Variants in PLEKHA2 observed in about 807,000 individuals in gnomAD.
The protein encoded by PLEKHA2 is pleckstrin homology domain-containing family A member 2.
Under a neutral mutation model 53.2 loss-of-function variants are expected in PLEKHA2, and 28 were observed. That is an observed-to-expected ratio of 0.53 (90% CI 0.39 to 0.72). PLEKHA2 has a LOEUF of 0.72. PLEKHA2 is among the 30% of genes least tolerant of loss of function. The pLI is 0.00. For synonymous variants in PLEKHA2, 193 were observed against 196.4 expected, an observed-to-expected ratio of 0.98 and a Z score of 0.14; for missense variants, 426 against 537.9, an observed-to-expected ratio of 0.79 and a Z score of 2.06.
intron 2 of PLEKHA2, among the ~76,000 whole-genome samples, chr8:38,928,518 A>AGATTACAGGCATGAATCGCCGGGC (rs1159152496): frequency 6.6e-6 from 1 of 151,840 alleles, no homozygotes; most frequent in African/African-American, 2.4e-5. Context: ...CAAAGTGTTG[A>AGATTACAGGCATGAATCGCCGGGC]GATTACAGGC....
chr8:38,930,574 C>T (rs1834373082), intron 2 of PLEKHA2, among the ~76,000 whole-genome samples: 1 of 152,198 alleles, frequency 6.6e-6, no homozygotes, highest in Non-Finnish European at 1.5e-5. Context: ...AGAAGTCCAC[C>T]AAATGTACAG....
intron 3 of PLEKHA2, among the ~76,000 whole-genome samples, chr8:38,939,656 A>T (rs967414757): frequency 1.3e-5 from 2 of 152,236 alleles, no homozygotes; most frequent in African/African-American, 4.8e-5. Context: ...AGCATTTGTT[A>T]TCCAAACAGA....
intron 2 of PLEKHA2, among the ~76,000 whole-genome samples, chr8:38,927,210 A>G (rs1834304650): frequency 1.3e-5 from 2 of 152,196 alleles, no homozygotes; most frequent in Admixed American, 6.5e-5. Flanking sequence ...ATCTAGTTAT[A>G]TACCAAAGAA....
Position 38,941,651 on chromosome 8 carries a change from A to G in PLEKHA2, c.199-2138A>G, listed in dbSNP as rs1218400933. 3.3e-5 allele frequency among the ~76,000 whole-genome samples: 5 copies of G among 152,102 alleles called. 1 individual carries two copies. The highest frequency in any genetic ancestry group is 3.3e-4 in the Admixed American group (5 of 15,264). ...GGACACTGCCTGTGTTGATGTGTGG[A>G]GTGAGGCTTTAAAGGAAATGAGGTA... On this transcript the variant is annotated intron_variant, in intron 3 of 11. Transcript: ENST00000617275.
chr8:38,938,956 T>G (rs1588256366), intron 3 of PLEKHA2, among the ~76,000 whole-genome samples: 1 of 151,102 alleles, frequency 6.6e-6, no homozygotes, highest in African/African-American at 2.4e-5. Context: ...CAGGCTGGAG[T>G]GCAATGGTGC....
chr8:38,915,610 A>G (rs1834046515), intron 1 of PLEKHA2, among the ~76,000 whole-genome samples: 1 of 152,194 alleles, frequency 6.6e-6, no homozygotes, highest in African/African-American at 2.4e-5. Flanking sequence ...AAATATAGCC[A>G]CATTTTGAGG....
At chr8:38,956,085 C>T (rs987847873) in intron 9 of PLEKHA2, among the ~76,000 whole-genome samples, 1 of 152,162 alleles carries the variant, frequency 6.6e-6, no homozygotes, top group African/African-American at 2.4e-5. Flanking sequence ...GGATTACAGG[C>T]GTAAGCCACT....
chr8:38,962,515 A>G (rs1835058476), intron 10 of PLEKHA2, among the ~76,000 whole-genome samples: 1 of 152,198 alleles, frequency 6.6e-6, no homozygotes, highest in Admixed American at 6.5e-5. Context: ...GGAAATAACC[A>G]GGTATCTAAG....
At chr8:38,923,201 A>C (rs932321670) in intron 2 of PLEKHA2, among the ~76,000 whole-genome samples, 3 of 152,234 alleles carry the variant, frequency 2.0e-5, no homozygotes, top group African/African-American at 7.2e-5. Flanking sequence ...CATAAGGGAA[A>C]GATGTAGGGC....
intron 1 of PLEKHA2, among the ~76,000 whole-genome samples, chr8:38,907,736 G>C (rs1833898358): frequency 6.8e-6 from 1 of 147,480 alleles, no homozygotes; most frequent in Non-Finnish European, 1.5e-5. Flanking sequence ...ACTCCAGACT[G>C]GGAGACAGAG....
intron 2 of PLEKHA2, among the ~76,000 whole-genome samples, chr8:38,934,188 C>T (rs775849164): frequency 2.5e-4 from 38 of 151,854 alleles, no homozygotes; most frequent in Admixed American, 8.5e-4. Context: ...TTTATAGAGA[C>T]GGCGTTTCAC....
rs559136768 is a variant in PLEKHA2, at chr8:38,904,488, T to G, written c.-24+3043T>G. ...TGGGACTCAAATTTGGCTGGCCCCT[T>G]GCAAAGCAGCTCTCTGCTGGTATGA... On this transcript the variant is annotated intron_variant, in intron 1 of 11. Transcript: ENST00000617275. Among the ~76,000 whole-genome samples the G allele has an allele frequency of 5.3e-5, 8 of 152,328 alleles. No homozygotes were observed. The East Asian group carries it at 1.5e-3, about 29-fold the overall frequency.
At chr8:38,954,311 T>C (rs1203091569) in intron 9 of PLEKHA2, among the ~76,000 whole-genome samples, 1 of 152,114 alleles carries the variant, frequency 6.6e-6, no homozygotes, top group East Asian at 1.9e-4. Context: ...AGGTTCCCAG[T>C]GACTATTTAT....
chr8:38,967,498 C>T (rs1835162759), intron 10 of PLEKHA2, among the ~76,000 whole-genome samples: 1 of 152,158 alleles, frequency 6.6e-6, no homozygotes, highest in African/African-American at 2.4e-5. Flanking sequence ...CTTTTCCCCA[C>T]ATCCTTGTCA....
rs536343365 is a variant in PLEKHA2, at chr8:38,948,049, G to C, written c.345+1828G>C. Among the ~76,000 whole-genome samples, 6 of 143,492 alleles carry C rather than the reference G, an allele frequency of 4.2e-5. No homozygotes were observed. In the South Asian group the frequency reaches 1.3e-3, roughly 31 times the overall value. 94.1% of individuals were successfully genotyped at this position (143,492 alleles called of 152,430 possible). On this transcript the variant is annotated intron_variant, in intron 5 of 11. Coordinates refer to ENST00000617275, the MANE Select transcript of PLEKHA2 (RefSeq NM_021623.2). ...TGCAGTGAGCCGAGATCGCGCCACT[G>C]CACTCCAGCCTGGGCGACAGAGCAA...
In PLEKHA2 at chr8:38,908,261, G is replaced by A. The variant is rs368770228; in HGVS notation, c.-24+6816G>A. 6.8e-4 allele frequency among the ~76,000 whole-genome samples: 103 copies of A among 152,288 alleles called. No individual in the cohort carries two copies. In the South Asian group the frequency reaches 0.018, roughly 26 times the overall value. On this transcript the variant is annotated intron_variant, in intron 1 of 11. Coordinates refer to ENST00000617275, the MANE Select transcript of PLEKHA2 (RefSeq NM_021623.2). The stretch of plus-strand genomic sequence containing the variant: ...ACCAGCAGGAGAAAGAGGGAAAGGC[G>A]CTCAGAGGATGTTGCCATACGAAGT...
In PLEKHA2 at chr8:38,929,535, C is replaced by T. The variant is rs964000611; in HGVS notation, c.142-6459C>T. ...AAGGGTTGGGCTTGAATACTGGCTC[C>T]GCTGCTTGCTGCCTGTGTGACCCTG... On this transcript the variant is annotated intron_variant, in intron 2 of 11. Transcript: ENST00000617275. 5.9e-5 allele frequency among the ~76,000 whole-genome samples: 9 copies of T among 152,212 alleles called. No individual in the cohort carries two copies. The South Asian group carries it at 6.2e-4, about 11-fold the overall frequency.
At chr8:38,951,664 A>G (rs1396095583) in intron 6 of PLEKHA2, among the ~76,000 whole-genome samples, 1 of 151,342 alleles carries the variant, frequency 6.6e-6, no homozygotes, top group Non-Finnish European at 1.5e-5. Context: ...ACGCCTGGCT[A>G]AATTTTTTTG....
At chr8:38,942,406 C>T (rs1834628583) in intron 3 of PLEKHA2, among the ~76,000 whole-genome samples, 2 of 151,982 alleles carry the variant, frequency 1.3e-5, no homozygotes, top group Admixed American at 1.3e-4. Flanking sequence ...GGGTCTCATT[C>T]TGGGCTCAAG....
Sources: gnomAD v4.1 joint callset for allele counts (sites outside exome capture counted in the v4.1 genomes callset) on GRCh38, gnomAD v4.1.1 for gene constraint, MANE v1.5 for transcripts, NCBI Gene and HGNC (gene_info 2026-07-23, HGNC 2026-07-21) for gene names.